Variants in PIK3R5 observed in about 807,000 individuals in gnomAD.
PIK3R5 encodes phosphoinositide-3-kinase regulatory subunit 5, also known as phosphoinositide 3-kinase regulatory subunit 5.
A neutral mutation model predicts 94.9 loss-of-function variants in PIK3R5; 32 were observed. The observed-to-expected ratio is 0.34, with a 90% CI of 0.25 to 0.45. The LOEUF (loss-of-function observed/expected upper bound fraction) is 0.45, where lower values mean the gene tolerates loss of function less well. Ranked by LOEUF, PIK3R5 falls within the 20% of genes least tolerant of loss-of-function variation. The pLI is 1.00. For missense variants in PIK3R5, 853 were observed against 1,144.6 expected (o/e 0.75, Z 3.68); for synonymous variants, 443 against 479.4 (o/e 0.92, Z 0.99).
In PIK3R5 at chr17:8,932,607, T is replaced by G. The variant is rs550903477; in HGVS notation, c.-13-21100A>C. Among the ~76,000 whole-genome samples the G allele has an allele frequency of 1.9e-3, 283 of 152,250 alleles. 1 individual carries two copies. Among genetic ancestry groups the G allele is most frequent in the Admixed American group, 4.3e-3 (66 of 15,284 alleles). Reference sequence around the variant, plus strand: ...AAACACAATCTCTGAAAAGAAAAGTTCATTGGATGGACTGAATAAAAGACT... The same window carrying G: ...AAACACAATCTCTGAAAAGAAAAGTGCATTGGATGGACTGAATAAAAGACT... On this transcript the variant is annotated intron_variant, in intron 1 of 18. Transcript: ENST00000447110.
intron 1 of PIK3R5, among the ~76,000 whole-genome samples, chr17:8,928,622 C>T (rs2090933550): frequency 6.6e-6 from 1 of 152,150 alleles, no homozygotes; most frequent in South Asian, 2.1e-4. Flanking sequence ...TGCTGAAGGA[C>T]AAGCACTGTC....
Position 8,888,379 on chromosome 17 carries a change from G to C in PIK3R5, c.1408C>G (p.Pro470Ala). ...CSPLDEPVSP[P>A]SRAQRSRSLP... The stretch of plus-strand genomic sequence containing the variant: ...GAGCGGGAGCGCTGGGCCCGGGAAG[G>C]GGGTGATACTGGTTCGTCCAGGGGG... The change falls in exon 10 of 19, where the codon CCT (proline) becomes GCT (alanine). Residue 470 changes from proline (P) to alanine (A), a missense_variant. Coordinates refer to ENST00000447110, the MANE Select transcript of PIK3R5 (RefSeq NM_001142633.3). This position sits in a 1 kb window ranked among gnomAD's most constrained non-coding sequence, Gnocchi z 7.8. 1.2e-6 allele frequency: 2 copies of C among 1,607,032 alleles called. No individual in the cohort carries two copies. The highest frequency in any genetic ancestry group is 1.7e-6 in the Non-Finnish European group (2 of 1,178,048).
rs1054955971 is a variant in PIK3R5, at chr17:8,943,644, G to A, written c.-14+21952C>T. On this transcript the variant is annotated intron_variant, in intron 1 of 18. Transcript: ENST00000447110. The stretch of plus-strand genomic sequence containing the variant: ...AAAAATTAGCTGGGTGTGGTGGCGC[G>A]CACCTGCAGTCCCAGCTGTTCAGGA... Among the ~76,000 whole-genome samples, 8 of 152,074 alleles carry A rather than the reference G, an allele frequency of 5.3e-5. No individual in the cohort carries two copies. In the East Asian group the frequency reaches 5.8e-4, roughly 11 times the overall value.
chr17:8,933,276 T>C (rs997818440), intron 1 of PIK3R5, among the ~76,000 whole-genome samples: 3 of 152,152 alleles, frequency 2.0e-5, no homozygotes, highest in Non-Finnish European at 2.9e-5. Context: ...TTTTTTACAT[T>C]TTAATGTTTG....
intron 1 of PIK3R5, among the ~76,000 whole-genome samples, chr17:8,920,487 G>A (rs1358311229): frequency 6.6e-6 from 1 of 152,192 alleles, no homozygotes; most frequent in African/African-American, 2.4e-5. Flanking sequence ...AGCCTGGAAC[G>A]AAGGATAATC....
At position 8,889,913 on chromosome 17, in the gene PIK3R5, T is replaced by C. The variant is rs1438325228; in HGVS notation, c.811+60A>G. 10 of 1,590,548 alleles carry C rather than the reference T, an allele frequency of 6.3e-6. No individual in the cohort carries two copies. The highest frequency in any genetic ancestry group is 8.6e-6 in the Non-Finnish European group (10 of 1,161,574). On this transcript the variant is annotated intron_variant, in intron 8 of 18. Transcript: ENST00000447110. The surrounding 1 kb of genome is among the most constrained non-coding windows in gnomAD (Gnocchi z 4.1). The stretch of plus-strand genomic sequence containing the variant: ...ACCAGGCCCGCCTGGACCGTGCACC[T>C]TGGGACCTAGAATAGGCCATGGGGA...
Position 8,957,544 on chromosome 17 carries a change from T to A in PIK3R5, c.-14+8052A>T, listed in dbSNP as rs182139444. Reference sequence around the variant, plus strand: ...CTGTCATCGCTATCCTGGTCACCTATCTCTGGATATGAAGTGGTTGCTCAG... The same window carrying A: ...CTGTCATCGCTATCCTGGTCACCTAACTCTGGATATGAAGTGGTTGCTCAG... On this transcript the variant is annotated intron_variant, in intron 1 of 18. Coordinates refer to ENST00000447110, the MANE Select transcript of PIK3R5 (RefSeq NM_001142633.3). Among the ~76,000 whole-genome samples the A allele has an allele frequency of 6.6e-5, 10 of 152,364 alleles. No individual in the cohort carries two copies. In the East Asian group the frequency reaches 7.7e-4, roughly 12 times the overall value.
rs899350466 is a variant in PIK3R5 at position 8,925,591 on chromosome 17, A to G, written c.-13-14084T>C. Among the ~76,000 whole-genome samples the G allele has an allele frequency of 6.6e-6, 1 of 152,244 alleles. No homozygotes were observed. Among genetic ancestry groups the G allele is most frequent in the African/African-American group, 2.4e-5 (1 of 41,466 alleles). Reference sequence around the variant, plus strand: ...AGAGAAAAAAGGAACACACATGCATACAATCCAAACTGAAACCAACACTGA... The same window carrying G: ...AGAGAAAAAAGGAACACACATGCATGCAATCCAAACTGAAACCAACACTGA... On this transcript the variant is annotated intron_variant, in intron 1 of 18. Coordinates refer to ENST00000447110, the MANE Select transcript of PIK3R5 (RefSeq NM_001142633.3). The surrounding 1 kb of genome is among the most constrained non-coding windows in gnomAD (Gnocchi z 5.1).
intron 1 of PIK3R5, among the ~76,000 whole-genome samples, chr17:8,958,364 T>C (rs954767355): frequency 1.1e-4 from 16 of 152,014 alleles, no homozygotes; most frequent in Admixed American, 3.9e-4. Flanking sequence ...CTTGACCCAA[T>C]TGAGTTTACT....
In PIK3R5 at chr17:8,935,172, A is replaced by T. The variant is rs903125797; in HGVS notation, c.-13-23665T>A. On this transcript the variant is annotated intron_variant, in intron 1 of 18. Coordinates refer to ENST00000447110, the MANE Select transcript of PIK3R5 (RefSeq NM_001142633.3). The surrounding 1 kb of genome is among the most constrained non-coding windows in gnomAD (Gnocchi z 4.5). ...TCTCTGCTTCCACTGTGCCTGCGTT[A>T]TAACTGCCTATTTCTCTAGCGGGCT... is the stretch of plus-strand genomic sequence containing the variant. Among the ~76,000 whole-genome samples, 24 of 152,032 alleles carry T rather than the reference A, an allele frequency of 1.6e-4. No homozygotes were observed. Among genetic ancestry groups the T allele is most frequent in the Non-Finnish European group, 2.5e-4 (17 of 68,006 alleles).
At chr17:8,910,835 G>A (rs1161542940) in intron 2 of PIK3R5, among the ~76,000 whole-genome samples, 1 of 152,154 alleles carries the variant, frequency 6.6e-6, no homozygotes, top group East Asian at 1.9e-4. Flanking sequence ...GAGATATGGG[G>A]CATGAGAAAG....
At chr17:8,947,309 G>C (rs529469852) in intron 1 of PIK3R5, among the ~76,000 whole-genome samples, 7 of 152,306 alleles carry the variant, frequency 4.6e-5, no homozygotes, top group Admixed American at 2.0e-4. Flanking sequence ...GAAGATTACT[G>C]TCCTATCTTC....
chr17:8,936,922 G>A (rs902173999), intron 1 of PIK3R5, among the ~76,000 whole-genome samples: 1 of 152,094 alleles, frequency 6.6e-6, no homozygotes, highest in African/African-American at 2.4e-5. Flanking sequence ...TTAGATTTCT[G>A]TAGATTTTTT....
At chr17:8,938,354 G>A (rs903186076) in intron 1 of PIK3R5, among the ~76,000 whole-genome samples, 1 of 152,074 alleles carries the variant, frequency 6.6e-6, no homozygotes, top group Non-Finnish European at 1.5e-5. Flanking sequence ...CCATAGGTTT[G>A]GCAGTGATTT....
Position 8,890,843 on chromosome 17 carries a change from C to A in PIK3R5, c.552G>T (p.Thr184=), listed in dbSNP as rs764154145. The change falls in exon 7 of 19, where the codon ACG becomes ACT. Residue 184 remains threonine, a synonymous_variant. Transcript: ENST00000447110. The surrounding 1 kb of genome is among the most constrained non-coding windows in gnomAD (Gnocchi z 6.1). ...AGGCACTGTGAGGCGAGTGTCCGGG[C>A]GTACTCAGCTTATTGGCTACAGCAA... ...EFLAVANKLS[T]PGHSPHSAYT... The A allele has an allele frequency of 2.5e-6, 4 of 1,613,538 alleles. No individual in the cohort carries two copies. In the South Asian group the frequency reaches 3.3e-5, roughly 13 times the overall value.
chr17:8,943,191 C>T (rs2091217047), intron 1 of PIK3R5, among the ~76,000 whole-genome samples: 1 of 152,056 alleles, frequency 6.6e-6, no homozygotes, highest in African/African-American at 2.4e-5. Context: ...CCTCCCACCT[C>T]AGCCTCCTGA....
chr17:8,921,398 C>T (rs1005137206), intron 1 of PIK3R5, among the ~76,000 whole-genome samples: 1 of 152,134 alleles, frequency 6.6e-6, no homozygotes, highest in Non-Finnish European at 1.5e-5. Context: ...CTTTACATGT[C>T]ATATGTCATT....
chr17:8,940,626 A>G (rs140564492), intron 1 of PIK3R5, among the ~76,000 whole-genome samples: 1,804 of 152,262 alleles, frequency 0.012, 17 homozygotes, highest in Middle Eastern at 0.037. Flanking sequence ...GCACTGGTGC[A>G]ATCTCGGCTC....
At chr17:8,948,708 C>T (rs2091322003) in intron 1 of PIK3R5, among the ~76,000 whole-genome samples, 1 of 152,170 alleles carries the variant, frequency 6.6e-6, no homozygotes, top group African/African-American at 2.4e-5. Context: ...CTCACGGCTG[C>T]TGCGGGGAAT....
Sources: gnomAD v4.1 joint callset for allele counts (sites outside exome capture counted in the v4.1 genomes callset) on GRCh38, gnomAD v4.1.1 for gene constraint, Gnocchi (gnomAD v3.1) non-coding constraint, MANE v1.5 for transcripts, NCBI Gene and HGNC (gene_info 2026-07-23, HGNC 2026-07-21) for gene names.